ELAPOR2: variants seen among roughly 807,000 people sequenced by gnomAD.
ELAPOR2 encodes the protein endosome-lysosome associated apoptosis and autophagy regulator family member 2, also known as endosome/lysosome-associated apoptosis and autophagy regulator family member 2.
In ELAPOR2, 89 loss-of-function variants were observed where a neutral mutation model predicts 120.7. That is an observed-to-expected ratio of 0.74 (90% CI 0.62 to 0.88). The LOEUF (loss-of-function observed/expected upper bound fraction) is 0.88, where lower values mean the gene tolerates loss of function less well. ELAPOR2 is among the 40% of genes least tolerant of loss of function. The probability of loss-of-function intolerance (pLI) is 0.00; values close to 1 mark genes in which losing one functional copy is unlikely to be tolerated. For missense variants in ELAPOR2, 1,134 were observed against 1,251.6 expected, an observed-to-expected ratio of 0.91 and a Z score of 1.42; for synonymous variants, 444 against 444.9, an observed-to-expected ratio of 1.00 and a Z score of 0.03.
At chr7:87,011,277 A>AAGAAG (rs1793656690) in intron 1 of ELAPOR2, among the ~76,000 whole-genome samples, 1 of 151,496 alleles carries the variant, frequency 6.6e-6, no homozygotes, top group African/African-American at 2.4e-5. Flanking sequence ...AAGAAAAGAA[A>AAGAAG]AAGAAAATAC....
chr7:87,008,485 A>G (rs951751858), intron 1 of ELAPOR2, among the ~76,000 whole-genome samples: 1 of 152,214 alleles, frequency 6.6e-6, no homozygotes, highest in African/African-American at 2.4e-5. Context: ...TCAAAGTAAA[A>G]TGTTCTGATT....
chr7:86,926,835 C>T lies in ELAPOR2; in HGVS notation c.1171G>A (p.Glu391Lys). 3 of 1,609,592 alleles carry T rather than the reference C, an allele frequency of 1.9e-6. No homozygotes were observed. The highest frequency in any genetic ancestry group is 2.5e-6 in the Non-Finnish European group (3 of 1,178,296). ...TTGCAAGGCGGACAATCCTTCTTCTCTCCAGAAGGGGGCAATCTAATAGCA... is the reference window on the plus strand; with the variant it reads ...TTGCAAGGCGGACAATCCTTCTTCTTTCCAGAAGGGGGCAATCTAATAGCA... ...TDAIRLPPSGEKKDCPPCNPG... is the reference protein window; with the variant it reads ...TDAIRLPPSGKKKDCPPCNPG... Residue 391 changes from glutamate (E) to lysine (K), a missense_variant, in exon 9 of 22, where the codon GAG becomes AAG. Physicochemically the swap from Glu to Lys is moderately conservative, Grantham distance 56 (BLOSUM62 1). Around this residue, in one of 3 missense-constraint regions of ELAPOR2, gnomAD observed 831 missense variants for 867.6 expected, o/e 0.96. Transcript: ENST00000450689.
intron 19 of ELAPOR2, among the ~76,000 whole-genome samples, chr7:86,893,911 T>C (rs1183262349): frequency 1.3e-5 from 2 of 152,096 alleles, no homozygotes; most frequent in African/African-American, 4.8e-5. Flanking sequence ...GTTATATATT[T>C]CAACATGTAC....
In ELAPOR2 at chr7:86,919,299, C is replaced by A. The variant is rs778899533; in HGVS notation, c.1411G>T (p.Ala471Ser). The change falls in exon 11 of 22, where the codon GCT becomes TCT. Residue 471 changes from alanine (A) to serine (S), a missense_variant. Ala to Ser is a moderately conservative substitution (Grantham distance 99). Transcript: ENST00000450689. ...GCCCCACTCTGGATATGATCTCCAGCCACCTCCCAACCTAGAAGTAATAAA... is the reference window on the plus strand; with the variant it reads ...GCCCCACTCTGGATATGATCTCCAGACACCTCCCAACCTAGAAGTAATAAA... ...KCDGMNGWEV[A>S]GDHIQSGAGG... 6.2e-7 allele frequency: 1 copy of A among 1,605,408 alleles called. No individual in the cohort carries two copies.
chr7:86,949,159 A>C (rs1334088819), intron 2 of ELAPOR2, among the ~76,000 whole-genome samples: 1 of 152,244 alleles, frequency 6.6e-6, no homozygotes, highest in East Asian at 1.9e-4. Flanking sequence ...TCCCCAAATC[A>C]GTAAAACATG....
intron 19 of ELAPOR2, among the ~76,000 whole-genome samples, chr7:86,894,600 G>A (rs1788349390): frequency 6.6e-6 from 1 of 151,922 alleles, no homozygotes; most frequent in Non-Finnish European, 1.5e-5. Flanking sequence ...TTCAATAAGT[G>A]TCTCAAATAC....
chr7:86,949,641 C>T (rs879687256), intron 2 of ELAPOR2, among the ~76,000 whole-genome samples: 13 of 152,172 alleles, frequency 8.5e-5, no homozygotes, highest in Middle Eastern at 3.2e-3. Context: ...GGCTTGGAGA[C>T]GTCTGCTCCC....
intron 2 of ELAPOR2, among the ~76,000 whole-genome samples, chr7:86,956,807 C>T (rs1791489840): frequency 6.6e-6 from 1 of 152,096 alleles, no homozygotes; most frequent in African/African-American, 2.4e-5. Flanking sequence ...TAGTGAAGGT[C>T]AAGGGAAGAA....
chr7:87,023,909 T>C (rs1279074471), intron 1 of ELAPOR2, among the ~76,000 whole-genome samples: 1 of 152,228 alleles, frequency 6.6e-6, no homozygotes, highest in Non-Finnish European at 1.5e-5. Flanking sequence ...TTTTGCACAC[T>C]GATTTTGTAT....
chr7:86,992,873 T>C (rs1386462942), intron 1 of ELAPOR2, among the ~76,000 whole-genome samples: 1 of 152,198 alleles, frequency 6.6e-6, no homozygotes, highest in Admixed American at 6.5e-5. Flanking sequence ...TTAAGGAATG[T>C]CATGATCATG....
At chr7:86,888,606 T>C (rs1426059007) in intron 21 of ELAPOR2, among the ~76,000 whole-genome samples, 1 of 152,104 alleles carries the variant, frequency 6.6e-6, no homozygotes, top group African/African-American at 2.4e-5. Context: ...GAGCAGGAAA[T>C]GGCCTCAGCC....
At position 86,926,768 on chromosome 7, in the gene ELAPOR2, C is replaced by CA; in HGVS notation, c.1237dup (p.Cys413LeufsTer14). ...TCCATCTGAAAATGTTCCAGGAGGA[C>CA]AGGGATGGCAAGAAGATGATCCATT... On this transcript the variant is annotated frameshift_variant, in exon 9 of 22. Transcript: ENST00000450689. LOFTEE classifies it high-confidence loss of function. 6.2e-7 allele frequency: 1 copy of CA among 1,611,024 alleles called. No individual in the cohort carries two copies. The highest frequency in any genetic ancestry group is 8.5e-7 in the Non-Finnish European group (1 of 1,178,458).
intron 1 of ELAPOR2, among the ~76,000 whole-genome samples, chr7:86,982,076 T>C (rs1216233925): frequency 6.6e-6 from 1 of 152,202 alleles, no homozygotes; most frequent in Non-Finnish European, 1.5e-5. Context: ...CAGTCTGAGA[T>C]CAAACTGCGA....
rs543347840 is a variant in ELAPOR2 at position 86,897,894 on chromosome 7, T to C, written c.2559-262A>G. Among the ~76,000 whole-genome samples the C allele has an allele frequency of 2.2e-3, 341 of 152,266 alleles. 1 individual carries two copies. The highest frequency in any genetic ancestry group is 6.8e-3 in the Middle Eastern group (2 of 294). On this transcript the variant is annotated intron_variant, in intron 18 of 21. Coordinates refer to ENST00000450689, the MANE Select transcript of ELAPOR2 (RefSeq NM_001142749.3). ...GGTGTCCTCATGCATGCACAGCTGA[T>C]AGGAATGTAAAATTGTGCACCTGCT...
intron 1 of ELAPOR2, among the ~76,000 whole-genome samples, chr7:87,027,278 A>G (rs1490222197): frequency 6.6e-6 from 1 of 152,124 alleles, no homozygotes; most frequent in Non-Finnish European, 1.5e-5. Flanking sequence ...CTGACATCAT[A>G]TTCATTATAA....
At chr7:86,944,315 C>G (rs879314742) in intron 4 of ELAPOR2, among the ~76,000 whole-genome samples, 1 of 152,018 alleles carries the variant, frequency 6.6e-6, no homozygotes, top group South Asian at 2.1e-4. Context: ...TTTATCTTAT[C>G]TTCCGTAATG....
intron 21 of ELAPOR2, among the ~76,000 whole-genome samples, chr7:86,889,317 C>T (rs2115806980): frequency 6.6e-6 from 1 of 152,060 alleles, no homozygotes; most frequent in Middle Eastern, 3.4e-3. Context: ...GGATAGTAAC[C>T]ACTTGATTGA....
intron 1 of ELAPOR2, among the ~76,000 whole-genome samples, chr7:86,984,893 T>A (rs1635018): frequency 0.38 from 57,551 of 151,924 alleles, 11,747 homozygotes; most frequent in African/African-American, 0.53. Context: ...CAATAAATCC[T>A]GGAGCTGGTT....
intron 2 of ELAPOR2, among the ~76,000 whole-genome samples, chr7:86,951,741 C>G (rs1791255733): frequency 6.6e-6 from 1 of 152,312 alleles, no homozygotes; most frequent in Non-Finnish European, 1.5e-5. Flanking sequence ...TTGGTCACAT[C>G]ACCTTTGTCA....
Sources: gnomAD v4.1 joint callset for allele counts (sites outside exome capture counted in the v4.1 genomes callset) on GRCh38, gnomAD v4.1.1 for gene constraint, gnomAD v4.1.1 regional missense constraint, MANE v1.5 for transcripts, NCBI Gene and HGNC (gene_info 2026-07-23, HGNC 2026-07-21) for gene names.